ASTN2: variants seen among roughly 807,000 people sequenced by gnomAD.
ASTN2 encodes the protein astrotactin-2.
ASTN2 carries 54 observed loss-of-function variants against 139.8 expected under a neutral mutation model. The ratio of observed to expected loss-of-function variants is 0.39; its 90% CI spans 0.31 to 0.48. The LOEUF is 0.48. ASTN2 is among the 20% of genes least tolerant of loss of function. ASTN2 has a pLI of 0.95. For synonymous variants in ASTN2, 756 were observed against 719.5 expected, an observed-to-expected ratio of 1.05 and a Z score of -0.81; for missense variants, 1,565 against 1,725.1, an observed-to-expected ratio of 0.91 and a Z score of 1.64.
At chr9:116,789,920 C>CTTTTTTTTTTTT (rs57433960) in intron 13 of ASTN2, among the ~76,000 whole-genome samples, 2 of 93,332 alleles carry the variant, frequency 2.1e-5, no homozygotes, top group East Asian at 2.9e-4. Flanking sequence ...TTCTCTTTCT[C>CTTTTTTTTTTTT]TTTTTTTTTT....
chr9:116,476,264 ATTAAC>A lies in ASTN2; in HGVS notation c.3497+11090_3497+11094del, dbSNP rs1305653064. On this transcript the variant is annotated intron_variant, in intron 20 of 22. Transcript: ENST00000313400. ...GCGGCATCAGTCACTGAATTAAGGA[ATTAAC>A]TTAATCCAGTATTACCTCATCTTGA... Among the ~76,000 whole-genome samples, 5 of 152,230 alleles carry A rather than the reference ATTAAC, an allele frequency of 3.3e-5. No individual in the cohort carries two copies. In the East Asian group the frequency reaches 9.7e-4, roughly 29 times the overall value.
At chr9:116,956,444 A>G (rs1323896749) in intron 10 of ASTN2, among the ~76,000 whole-genome samples, 2 of 147,646 alleles carry the variant, frequency 1.4e-5, no homozygotes, top group African/African-American at 2.5e-5. Context: ...TATATATTAT[A>G]TATAATATAT....
chr9:116,525,025 G>A (rs1587936591), intron 19 of ASTN2, among the ~76,000 whole-genome samples: 1 of 152,264 alleles, frequency 6.6e-6, no homozygotes, highest in East Asian at 1.9e-4. Context: ...AGGGATATGT[G>A]GAAAAGTTTG....
At chr9:117,023,504 A>G (rs1278949053) in intron 6 of ASTN2, among the ~76,000 whole-genome samples, 1 of 152,034 alleles carries the variant, frequency 6.6e-6, no homozygotes, top group Non-Finnish European at 1.5e-5. Context: ...ATTTTACACC[A>G]TTTTAATTAT....
intron 5 of ASTN2, among the ~76,000 whole-genome samples, chr9:117,061,260 C>A (rs1839282710): frequency 6.6e-6 from 1 of 151,848 alleles, no homozygotes; most frequent in South Asian, 2.1e-4. Flanking sequence ...TATCCTGTGG[C>A]CAGCACTCAA....
rs116963994 is a variant in ASTN2, at chr9:117,074,241, G to A, written c.1276+21803C>T. 5.6e-3 allele frequency among the ~76,000 whole-genome samples: 859 copies of A among 152,266 alleles called. 3 individuals carry two copies. The highest frequency in any genetic ancestry group is 9.3e-3 in the African/African-American group (388 of 41,544). ...AGCAAGTCACTGCCCCATGTTGCCC[G>A]TTCTCTAGAGGAGGAGGAGGAGGAG... On this transcript the variant is annotated intron_variant, in intron 5 of 22. Coordinates refer to ENST00000313400, the MANE Select transcript of ASTN2 (RefSeq NM_001365068.1).
intron 3 of ASTN2, among the ~76,000 whole-genome samples, chr9:117,168,618 T>C (rs140617453): frequency 2.6e-5 from 4 of 152,264 alleles, no homozygotes; most frequent in African/African-American, 9.6e-5. Flanking sequence ...CAGACACATA[T>C]GCCCTGTAAT....
intron 19 of ASTN2, among the ~76,000 whole-genome samples, chr9:116,607,149 T>A (rs2131781252): frequency 6.6e-6 from 1 of 152,298 alleles, no homozygotes; most frequent in Non-Finnish European, 1.5e-5. Flanking sequence ...GTTGTAAGAC[T>A]ACAGAAGACC....
At chr9:116,834,867 G>A (rs1446205585) in intron 11 of ASTN2, among the ~76,000 whole-genome samples, 1 of 152,172 alleles carries the variant, frequency 6.6e-6, no homozygotes, top group Admixed American at 6.5e-5. Context: ...GGGCAACATA[G>A]TGAGATCCTA....
intron 20 of ASTN2, among the ~76,000 whole-genome samples, chr9:116,466,524 T>A (rs1037001477): frequency 6.6e-5 from 10 of 152,184 alleles, no homozygotes; most frequent in African/African-American, 2.2e-4. Flanking sequence ...TCTCTTTTCA[T>A]AAATTTGGTT....
At chr9:117,106,998 G>C (rs1211307563) in intron 4 of ASTN2, among the ~76,000 whole-genome samples, 2 of 151,978 alleles carry the variant, frequency 1.3e-5, no homozygotes, top group Admixed American at 1.3e-4. Flanking sequence ...AAATGATACT[G>C]GTGATTTTCT....
At chr9:116,795,601 A>G (rs1295743441) in intron 13 of ASTN2, among the ~76,000 whole-genome samples, 3 of 152,188 alleles carry the variant, frequency 2.0e-5, no homozygotes, top group Non-Finnish European at 4.4e-5. Context: ...TATCCTGGGC[A>G]TTTGATGAAA....
At chr9:116,764,569 T>C (rs1829757189) in intron 13 of ASTN2, among the ~76,000 whole-genome samples, 1 of 152,224 alleles carries the variant, frequency 6.6e-6, no homozygotes, top group Non-Finnish European at 1.5e-5. Flanking sequence ...TACTCAGTGA[T>C]GAAACTAACA....
chr9:116,587,970 C>G (rs1854226528), intron 19 of ASTN2, among the ~76,000 whole-genome samples: 1 of 152,174 alleles, frequency 6.6e-6, no homozygotes, highest in African/African-American at 2.4e-5. Flanking sequence ...ATTTCAATGT[C>G]TGCTCTGTGA....
chr9:117,049,797 T>A (rs1052524998), intron 5 of ASTN2, among the ~76,000 whole-genome samples: 6 of 152,122 alleles, frequency 3.9e-5, no homozygotes, highest in East Asian at 1.9e-4. Context: ...GCACAACAGA[T>A]CAGTTCAGGA....
At chr9:116,792,383 T>C (rs1830582749) in intron 13 of ASTN2, among the ~76,000 whole-genome samples, 1 of 152,190 alleles carries the variant, frequency 6.6e-6, no homozygotes, top group South Asian at 2.1e-4. Context: ...TGAAGCAGAA[T>C]GCAGCCCAGC....
chr9:116,502,725 A>C, intron 19 of ASTN2, among the ~76,000 whole-genome samples: 1 of 28,730 alleles, frequency 3.5e-5, no homozygotes, highest in African/African-American at 1.1e-4. Flanking sequence ...GAAGGAAGGA[A>C]GGAAGGAATG....
At chr9:116,842,803 A>G (rs1564299651) in intron 11 of ASTN2, among the ~76,000 whole-genome samples, 1 of 152,010 alleles carries the variant, frequency 6.6e-6, no homozygotes, top group Non-Finnish European at 1.5e-5. Flanking sequence ...GTAATGAAGG[A>G]CAGCAGCTGC....
At chr9:116,971,613 G>A (rs935660257) in intron 10 of ASTN2, among the ~76,000 whole-genome samples, 6 of 152,124 alleles carry the variant, frequency 3.9e-5, no homozygotes, top group African/African-American at 1.2e-4. Flanking sequence ...ATGACAAAGT[G>A]GTTAATATGA....
Sources: allele counts gnomAD v4.1 joint callset (sites outside exome capture counted in the v4.1 genomes callset), GRCh38; gene constraint gnomAD v4.1.1; transcripts MANE v1.5; gene names NCBI Gene and HGNC (gene_info 2026-07-23, HGNC 2026-07-21).